Variants in NOTCH1 observed in about 807,000 individuals in gnomAD.
NOTCH1 encodes neurogenic locus notch homolog protein 1.
Under a neutral mutation model 254.8 loss-of-function variants are expected in NOTCH1, and 37 were observed. That is an observed-to-expected ratio of 0.15 (90% CI 0.11 to 0.19). NOTCH1 has a LOEUF of 0.19. Ranked by LOEUF, NOTCH1 falls within the 10% of genes least tolerant of loss-of-function variation. The pLI is 1.00. For synonymous variants in NOTCH1, 1,731 were observed against 1,618.1 expected, an observed-to-expected ratio of 1.07 and a Z score of -1.68; for missense variants, 2,972 against 3,708.6, an observed-to-expected ratio of 0.80 and a Z score of 5.16.
intron 2 of NOTCH1, among the ~76,000 whole-genome samples, chr9:136,526,101 G>C (rs914268204): frequency 2.4e-4 from 37 of 152,248 alleles, no homozygotes; most frequent in African/African-American, 8.4e-4. Context: ...CGGTCACTCC[G>C]GGGCTGCAGC....
chr9:136,522,590 C>G, intron 4 of NOTCH1: 1 of 506,574 alleles, frequency 2.0e-6, no homozygotes, highest in Non-Finnish European at 3.4e-6. Context: ...GGGCGTCCTA[C>G]AGCTCGAATG....
rs200816814 is a variant in NOTCH1 at position 136,513,527 on chromosome 9, C to A, written c.2218G>T (p.Asp740Tyr). Residue 740 changes from aspartate to tyrosine, a missense_variant, in exon 14 of 34, where the codon GAC becomes TAC. Asp to Tyr is a radical substitution (Grantham distance 160). Coordinates refer to ENST00000651671, the MANE Select transcript of NOTCH1 (RefSeq NM_017617.5). This position sits in a 1 kb window ranked among gnomAD's most constrained non-coding sequence, Gnocchi z 4.7. ...GTCCCACTCCACCCAGGGTCACAGT[C>A]GCACTTGTACCTGCAAGGGGGACCA... The part of the protein sequence containing the change: ...CRDSLNGYKC[D>Y]CDPGWSGTNC... 1.2e-6 allele frequency: 2 copies of A among 1,613,040 alleles called. No individual in the cohort carries two copies. Among genetic ancestry groups the A allele is most frequent in the Non-Finnish European group, 1.7e-6 (2 of 1,179,986 alleles).
intron 5 of NOTCH1, 149 bp downstream of exon 5, chr9:136,519,291 GCCC>G: frequency 9.0e-7 from 1 of 1,116,640 alleles, no homozygotes; most frequent in Non-Finnish European, 1.3e-6. Context: ...GGGAAGTGGG[GCCC>G]CCATCATGTT....
rs79782048 is a variant in NOTCH1 at position 136,514,637 on chromosome 9, C to T, written c.2080G>A (p.Glu694Lys). 1.3e-3 allele frequency: 2,131 copies of T among 1,612,208 alleles called. 4 individuals are homozygous for T. The highest frequency in any genetic ancestry group is 1.7e-3 in the Non-Finnish European group (1,953 of 1,179,774). ...CAGGTGAAGCCATTGATGCCGTCCT[C>T]GCAGGTGCCCCCGTTGTGGCAGGGG... is the stretch of plus-strand genomic sequence containing the variant. ...GNPCHNGGTC[E>K]DGINGFTCRC... The change falls in exon 13 of 34, where the codon GAG becomes AAG. Residue 694 changes from glutamate to lysine, a missense_variant. Around this residue, in one of 8 missense-constraint regions of NOTCH1, gnomAD observed 1,343 missense variants for 1,557.0 expected, o/e 0.86. Transcript: ENST00000651671.
At chr9:136,544,400 G>A (rs1389854077) in intron 1 of NOTCH1, among the ~76,000 whole-genome samples, 1 of 152,180 alleles carries the variant, frequency 6.6e-6, no homozygotes, top group Non-Finnish European at 1.5e-5. Context: ...TGTGCCGCCT[G>A]GACGCAGTGG....
Position 136,504,891 on chromosome 9 carries a change from C to A in NOTCH1, c.4800G>T (p.Leu1600=), listed in dbSNP as rs761609069. 1.3e-6 allele frequency: 2 copies of A among 1,584,416 alleles called. No homozygotes were observed. Among genetic ancestry groups the A allele is most frequent in the Admixed American group, 1.8e-5 (1 of 55,576 alleles). The change falls in exon 26 of 34, where the codon CTG becomes CTT. Residue 1600 remains leucine (L), a synonymous_variant. Coordinates refer to ENST00000651671, the MANE Select transcript of NOTCH1 (RefSeq NM_017617.5). ...FHFLRELSRV[L]HTNVVFKRDA... is the part of the protein sequence containing the mutation. ...CACGCTTGAAGACCACGTTGGTGTGCAGCACGCGGCTGAGCTCCCGCAGGA... is the reference window on the plus strand; with the variant it reads ...CACGCTTGAAGACCACGTTGGTGTGAAGCACGCGGCTGAGCTCCCGCAGGA...
Position 136,513,713 on chromosome 9 carries a change from C to G in NOTCH1, c.2208-176G>C, listed in dbSNP as rs1286666114. Among the ~76,000 whole-genome samples the G allele has an allele frequency of 6.6e-6, 1 of 152,200 alleles. No individual in the cohort carries two copies. The highest frequency in any genetic ancestry group is 2.4e-5 in the African/African-American group (1 of 41,456). ...GTGGCTCACACCTGTAATCCCAGCA[C>G]TTTGGGAGGCGGGGGTGGCTGAGTC... On this transcript the variant is annotated intron_variant, in intron 13 of 33. Coordinates refer to ENST00000651671, the MANE Select transcript of NOTCH1 (RefSeq NM_017617.5). This position sits in a 1 kb window ranked among gnomAD's most constrained non-coding sequence, Gnocchi z 4.7.
intron 16 of NOTCH1, 131 bp downstream of exon 16, chr9:136,511,021 T>C: frequency 6.8e-7 from 1 of 1,466,596 alleles, no homozygotes; most frequent in South Asian, 1.2e-5. Context: ...CCAGAACTTC[T>C]CCGACCAGGG....
At position 136,507,975 on chromosome 9, in the gene NOTCH1, G is replaced by C. The variant is rs748055658; in HGVS notation, c.3490C>G (p.Leu1164Val). 6.2e-7 allele frequency: 1 copy of C among 1,612,652 alleles called. No individual in the cohort carries two copies. Among genetic ancestry groups the C allele is most frequent in the African/African-American group, 1.3e-5 (1 of 74,940 alleles). ...CQNGATCTDY[L>V]GGYSCKCVAG... is the part of the protein sequence containing the mutation. Reference sequence around the variant, plus strand: ...CCCACCTTGCAGGAGTAGCCGCCCAGGTAGTCCGTGCAGGTGGCCCCGTTC... The same window carrying C: ...CCCACCTTGCAGGAGTAGCCGCCCACGTAGTCCGTGCAGGTGGCCCCGTTC... The change falls in exon 21 of 34, where the codon CTG becomes GTG. Residue 1164 changes from leucine to valine, a missense_variant. This residue lies in a region of NOTCH1 where 1,343 missense variants were observed against 1,557.0 expected (regional missense o/e 0.86). Coordinates refer to ENST00000651671, the MANE Select transcript of NOTCH1 (RefSeq NM_017617.5).
At chr9:136,542,367 TTA>T (rs1311868794) in intron 2 of NOTCH1, among the ~76,000 whole-genome samples, 4 of 149,430 alleles carry the variant, frequency 2.7e-5, no homozygotes, top group African/African-American at 9.8e-5. Context: ...GGGAAGGGGG[TTA>T]TACATTCTGG....
At chr9:136,523,600 C>G (rs1456972757) in intron 3 of NOTCH1, 117 bp downstream of exon 3, 1 of 1,352,886 alleles carries the variant, frequency 7.4e-7, no homozygotes, top group Admixed American at 2.1e-5. Context: ...GCAGGGGCTC[C>G]CAATTACTTC....
rs1019392426 is a variant in NOTCH1, at chr9:136,530,164, C to T, written c.141-6185G>A. On this transcript the variant is annotated intron_variant, in intron 2 of 33. Transcript: ENST00000651671. ...GGGGGTCGCGGCCGGCCCGCCACAG[C>T]GCAGGGACCCAGCCGGGGTCTGAGC... 6.6e-5 allele frequency among the ~76,000 whole-genome samples: 10 copies of T among 152,220 alleles called. 1 individual carries two copies. Among genetic ancestry groups the T allele is most frequent in the Admixed American group, 3.3e-4 (5 of 15,286 alleles).
intron 33 of NOTCH1, among the ~76,000 whole-genome samples, chr9:136,497,912 G>C (rs1230581337): frequency 6.6e-6 from 1 of 152,196 alleles, no homozygotes; most frequent in Non-Finnish European, 1.5e-5. Context: ...AATTCCTGGA[G>C]CGGTTCAGAG....
chr9:136,532,719 C>T (rs1055235712), intron 2 of NOTCH1, among the ~76,000 whole-genome samples: 29 of 152,240 alleles, frequency 1.9e-4, no homozygotes, highest in African/African-American at 5.1e-4. Context: ...TGGCCCCAGC[C>T]GCTTCCCATC....
At position 136,523,934 on chromosome 9, in the gene NOTCH1, C is replaced by T. The variant is rs374320445; in HGVS notation, c.186G>A (p.Pro62=). 2.5e-5 allele frequency: 39 copies of T among 1,587,206 alleles called. No individual in the cohort carries two copies. Among genetic ancestry groups the T allele is most frequent in the East Asian group, 4.6e-5 (2 of 43,732 alleles). The change falls in exon 3 of 34, where the codon CCG becomes CCA. Residue 62 remains proline, a synonymous_variant. Coordinates refer to ENST00000651671, the MANE Select transcript of NOTCH1 (RefSeq NM_017617.5). ...CGTTCTTGCAGGGGGTGCTGAGGCACGGGTTGGGGTCCTGGCATCGCGGGC... is the reference window on the plus strand; with the variant it reads ...CGTTCTTGCAGGGGGTGCTGAGGCATGGGTTGGGGTCCTGGCATCGCGGGC... The part of the protein sequence containing the change: ...FVGPRCQDPN[P]CLSTPCKNAG...
At chr9:136,498,090 C>T (rs756034756) in intron 33 of NOTCH1, among the ~76,000 whole-genome samples, 90 of 152,276 alleles carry the variant, frequency 5.9e-4, no homozygotes, top group Admixed American at 1.1e-3. Context: ...CCTTGATGCC[C>T]TCTGGGGCCC....
rs368498380 is a variant in NOTCH1 at position 136,496,488 on chromosome 9, C to T, written c.7251G>A (p.Pro2417=). ...SLQPPPPPPQ[P]HLGVSSAASG... is the part of the protein sequence containing the mutation. ...TGGCTGCTGAGCTCACGCCAAGGTG[C>T]GGCTGTGGTGGTGGTGGTGGCGGCT... is the stretch of plus-strand genomic sequence containing the variant. The change falls in exon 34 of 34, where the codon CCG becomes CCA. Residue 2417 remains proline (P), a synonymous_variant. Transcript: ENST00000651671. 1.2e-4 allele frequency: 188 copies of T among 1,601,694 alleles called. No individual in the cohort carries two copies. Among genetic ancestry groups the T allele is most frequent in the Non-Finnish European group, 1.5e-4 (176 of 1,179,890 alleles).
rs754956574 is a variant in NOTCH1 at position 136,496,295 on chromosome 9, G to A, written c.7444C>T (p.Leu2482=). 6 of 1,597,032 alleles carry A rather than the reference G, an allele frequency of 3.8e-6. No individual in the cohort carries two copies. The highest frequency in any genetic ancestry group is 4.5e-5 in the East Asian group (2 of 44,336). Reference sequence around the variant, plus strand: ...TAGCTGTGCTGCGAGGGGGGCGTCAGGAACTGGGCTGCGGTCACGGGTGGG... The same window carrying A: ...TAGCTGTGCTGCGAGGGGGGCGTCAAGAACTGGGCTGCGGTCACGGGTGGG... ...LVPPVTAAQF[L]TPPSQHSYSS... is the part of the protein sequence containing the mutation. Residue 2482 remains leucine (L), a synonymous_variant, in exon 34 of 34, where the codon CTG becomes TTG. Transcript: ENST00000651671.
At position 136,506,708 on chromosome 9, in the gene NOTCH1, G is replaced by T; in HGVS notation, c.3901+8C>A. On this transcript the variant is annotated splice_region_variant and intron_variant, in intron 23 of 33. Transcript: ENST00000651671. The surrounding 1 kb of genome is among the most constrained non-coding windows in gnomAD (Gnocchi z 4.5). The stretch of plus-strand genomic sequence containing the variant: ...CACACGCCCCACCCGCCTGGGCGCG[G>T]CACCCACCGGTGTGACCAGCACGGC... 1 of 1,596,350 alleles carries T rather than the reference G, an allele frequency of 6.3e-7. No homozygotes were observed. The highest frequency in any genetic ancestry group is 8.5e-7 in the Non-Finnish European group (1 of 1,172,252).
Sources: allele counts gnomAD v4.1 joint callset (sites outside exome capture counted in the v4.1 genomes callset), GRCh38; gene constraint gnomAD v4.1.1; regional missense constraint gnomAD v4.1.1; non-coding constraint Gnocchi (gnomAD v3.1); transcripts MANE v1.5; gene names NCBI Gene and HGNC (gene_info 2026-07-23, HGNC 2026-07-21).